TRPM3: variants seen among roughly 807,000 people sequenced by gnomAD.
TRPM3 encodes the protein transient receptor potential cation channel subfamily M member 3, also known as long transient receptor potential channel 3.
In TRPM3, 77 loss-of-function variants were observed where a neutral mutation model predicts 181.2. The ratio of observed to expected loss-of-function variants is 0.42; its 90% CI spans 0.35 to 0.51. The LOEUF is 0.51. Among genes scored for constraint, TRPM3 ranks in the 20% least tolerant of loss-of-function variants. The probability of loss-of-function intolerance (pLI) is 0.01; values close to 1 mark genes in which losing one functional copy is unlikely to be tolerated. For synonymous variants in TRPM3, 745 were observed against 796.4 expected, an observed-to-expected ratio of 0.94 and a Z score of 1.09; for missense variants, 1,759 against 2,196.7, an observed-to-expected ratio of 0.80 and a Z score of 3.98.
chr9:70,553,692 T>G (rs2046991054), intron 22 of TRPM3, among the ~76,000 whole-genome samples: 1 of 152,210 alleles, frequency 6.6e-6, no homozygotes, highest in Non-Finnish European at 1.5e-5. Flanking sequence ...ACTGGCAAGT[T>G]ACTTTCAAAA....
In TRPM3 at chr9:70,535,950, G is replaced by A. The variant is rs770666558; in HGVS notation, c.*3C>T. On this transcript the variant is annotated 3_prime_UTR_variant, in exon 26 of 26. Transcript: ENST00000677713. ...AGCCTTCTGTGGCGGATATTAAGAA[G>A]GTTTAGTTGTGCTTGCTTTCAAAGC... The A allele has an allele frequency of 6.3e-7, 1 of 1,580,686 alleles. No individual in the cohort carries two copies.
chr9:71,373,843 A>T (rs1189210877), intron 1 of TRPM3, among the ~76,000 whole-genome samples: 1 of 152,212 alleles, frequency 6.6e-6, no homozygotes, highest in Non-Finnish European at 1.5e-5. Flanking sequence ...CTTCAGGCCA[A>T]TATCCTTGAT....
intron 8 of TRPM3, among the ~76,000 whole-genome samples, chr9:70,751,450 A>C (rs1321246581): frequency 6.6e-6 from 1 of 152,192 alleles, no homozygotes; most frequent in African/African-American, 2.4e-5. Flanking sequence ...ACAGAATTTT[A>C]AAGAGAAATT....
intron 3 of TRPM3, among the ~76,000 whole-genome samples, chr9:70,855,138 T>C (rs2095353678): frequency 6.6e-6 from 1 of 152,162 alleles, no homozygotes; most frequent in Non-Finnish European, 1.5e-5. Context: ...GAAATGTTAC[T>C]ATTTGCCTAT....
chr9:70,635,258 G>T lies in TRPM3; in HGVS notation c.1585C>A (p.His529Asn). 1.9e-6 allele frequency: 3 copies of T among 1,613,774 alleles called. No homozygotes were observed. Among genetic ancestry groups the T allele is most frequent in the Non-Finnish European group, 2.5e-6 (3 of 1,179,790 alleles). ...TGGTACAATGTATTTGAGGGCCCAT[G>T]TCTCTGAAAACAATAAAGAAGAATC... is the stretch of plus-strand genomic sequence containing the variant. The part of the protein sequence containing the change: ...SRLEELYNTR[H>N]GPSNTLYHLV... Residue 529 changes from histidine (H) to asparagine (N), a missense_variant, in exon 12 of 26, where the codon CAT (histidine) becomes AAT (asparagine). Transcript: ENST00000677713.
At chr9:71,409,251 T>C (rs940337297) in intron 1 of TRPM3, among the ~76,000 whole-genome samples, 13 of 152,084 alleles carry the variant, frequency 8.5e-5, no homozygotes, top group Non-Finnish European at 1.9e-4. Context: ...CAAATTCACA[T>C]ATAACAATAT....
At chr9:70,873,005 C>T (rs1295484159) in intron 1 of TRPM3, among the ~76,000 whole-genome samples, 1 of 151,778 alleles carries the variant, frequency 6.6e-6, no homozygotes, top group East Asian at 1.9e-4. Context: ...GCTAAACCTG[C>T]AAATTTAACA....
intron 1 of TRPM3, among the ~76,000 whole-genome samples, chr9:71,329,190 A>C (rs1467717879): frequency 2.6e-5 from 4 of 152,242 alleles, no homozygotes; most frequent in Non-Finnish European, 5.9e-5. Context: ...ACAATCCCAG[A>C]ATAGTGATGT....
At position 70,610,729 on chromosome 9, in the gene TRPM3, G is replaced by C; in HGVS notation, c.2547C>G (p.Asn849Lys). Residue 849 changes from asparagine (N) to lysine (K), a missense_variant, in exon 19 of 26, where the codon AAC becomes AAG. Around this residue, in one of 8 missense-constraint regions of TRPM3, gnomAD observed 114 missense variants for 134.8 expected, o/e 0.85. Coordinates refer to ENST00000677713, the MANE Select transcript of TRPM3 (RefSeq NM_001366145.2). The stretch of plus-strand genomic sequence containing the variant: ...CATCCTTCTTCCTGGAGGACTCCCC[G>C]TTGTTTCGTCCCAACATTGCCTATG... ...MELTAMLGRN[N>K]GESSRKKDEE... 2 of 1,614,098 alleles carry C rather than the reference G, an allele frequency of 1.2e-6. No homozygotes were observed. The highest frequency in any genetic ancestry group is 1.7e-6 in the Non-Finnish European group (2 of 1,180,002).
chr9:70,542,409 T>G (rs934438298), intron 25 of TRPM3, among the ~76,000 whole-genome samples: 2 of 152,214 alleles, frequency 1.3e-5, no homozygotes, highest in African/African-American at 4.8e-5. Flanking sequence ...AGACCTCGAA[T>G]GGCTCATTTC....
intron 1 of TRPM3, among the ~76,000 whole-genome samples, chr9:71,258,266 G>A (rs1363698668): frequency 6.6e-6 from 1 of 152,120 alleles, no homozygotes; most frequent in African/African-American, 2.4e-5. Flanking sequence ...GGGAAACTGA[G>A]GTTAAGTTCA....
At chr9:71,248,145 G>A (rs1431254756) in intron 1 of TRPM3, among the ~76,000 whole-genome samples, 2 of 152,164 alleles carry the variant, frequency 1.3e-5, no homozygotes, top group Non-Finnish European at 2.9e-5. Flanking sequence ...GAAATTACTG[G>A]TTGTCAGTCT....
intron 1 of TRPM3, among the ~76,000 whole-genome samples, chr9:71,422,031 C>T (rs112137193): frequency 8.5e-4 from 129 of 152,024 alleles, no homozygotes; most frequent in African/African-American, 2.9e-3. Flanking sequence ...TCTAAGCCAG[C>T]TCTTTGAGAT....
intron 19 of TRPM3, 24 bp downstream of exon 19, chr9:70,610,585 A>G: frequency 6.2e-7 from 1 of 1,607,926 alleles, no homozygotes; most frequent in Non-Finnish European, 8.5e-7. Flanking sequence ...ATCCACTAGG[A>G]AGGAGAAAAG....
intron 1 of TRPM3, among the ~76,000 whole-genome samples, chr9:71,275,492 G>A (rs2084130566): frequency 1.3e-5 from 2 of 151,728 alleles, no homozygotes; most frequent in African/African-American, 4.9e-5. Flanking sequence ...CCAACCCCGT[G>A]TGTGTGTGTG....
intron 6 of TRPM3, among the ~76,000 whole-genome samples, chr9:70,788,761 G>A (rs556320197): frequency 2.6e-5 from 4 of 152,254 alleles, no homozygotes; most frequent in Admixed American, 6.5e-5. Context: ...GGCATGATGG[G>A]AGACTGTGAC....
chr9:71,165,294 G>A (rs2134741005), intron 1 of TRPM3, among the ~76,000 whole-genome samples: 1 of 152,206 alleles, frequency 6.6e-6, no homozygotes, highest in East Asian at 1.9e-4. Flanking sequence ...ACAGTGCCTG[G>A]TCTATAGATA....
At chr9:70,759,829 C>G (rs2135259906) in intron 8 of TRPM3, among the ~76,000 whole-genome samples, 1 of 151,778 alleles carries the variant, frequency 6.6e-6, no homozygotes, top group South Asian at 2.1e-4. Context: ...ACCAGGGCCT[C>G]TCAGGGGGTG....
rs138347997 is a variant in TRPM3, at chr9:70,537,687, A to C, written c.3708-282T>G. Among the ~76,000 whole-genome samples, 519 of 152,292 alleles carry C rather than the reference A, an allele frequency of 3.4e-3. 4 individuals carry two copies. Among genetic ancestry groups the C allele is most frequent in the African/African-American group, 0.012 (484 of 41,566 alleles). ...TCCCCTTTTCCCTCAATGAAATGGA[A>C]TGCACAGTCCTGATAAAAAGGCACT... On this transcript the variant is annotated intron_variant, in intron 25 of 25. Transcript: ENST00000677713.
Sources: gnomAD v4.1 joint callset for allele counts (sites outside exome capture counted in the v4.1 genomes callset) on GRCh38, gnomAD v4.1.1 for gene constraint, gnomAD v4.1.1 regional missense constraint, MANE v1.5 for transcripts, NCBI Gene and HGNC (gene_info 2026-07-23, HGNC 2026-07-21) for gene names.